ARHGEF18: variants seen among roughly 807,000 people sequenced by gnomAD.
The protein encoded by ARHGEF18 is Rho/Rac guanine nucleotide exchange factor 18.
Under a neutral mutation model 155.7 loss-of-function variants are expected in ARHGEF18, and 93 were observed. That is an observed-to-expected ratio of 0.60 (90% CI 0.50 to 0.71). ARHGEF18 has a LOEUF of 0.71. Ranked by LOEUF, ARHGEF18 falls within the 30% of genes least tolerant of loss-of-function variation. The pLI is 0.00. For missense variants in ARHGEF18, 1,593 were observed against 1,816.1 expected (o/e 0.88, Z 2.23); for synonymous variants, 742 against 753.1 (o/e 0.99, Z 0.24).
At chr19:7,413,704 T>A (rs1367106138) in intron 10 of ARHGEF18, among the ~76,000 whole-genome samples, 3 of 152,110 alleles carry the variant, frequency 2.0e-5, no homozygotes, top group Non-Finnish European at 4.4e-5. Flanking sequence ...GGGGCTGCAG[T>A]GAGCTATGAT....
chr19:7,477,429 G>C (rs1427120073), downstream of ARHGEF18: 12 of 1,446,614 alleles, frequency 8.3e-6, no homozygotes, highest in Non-Finnish European at 1.1e-5. Flanking sequence ...TTGCCCCGGG[G>C]CAGCGGGCTG....
chr19:7,355,655 T>C (rs1600167041), intron 1 of ARHGEF18: 9 of 985,476 alleles, frequency 9.1e-6, no homozygotes, highest in East Asian at 1.1e-4. Context: ...CAACCACTCC[T>C]GGCCGGCCTT....
chr19:7,408,812 C>T (rs1051650267), intron 10 of ARHGEF18, among the ~76,000 whole-genome samples: 1 of 152,098 alleles, frequency 6.6e-6, no homozygotes, highest in Non-Finnish European at 1.5e-5. Context: ...GAGGCTAAGG[C>T]GGGAGGATCA....
chr19:7,448,536 C>T (rs1452736934), intron 15 of ARHGEF18, among the ~76,000 whole-genome samples: 2 of 152,046 alleles, frequency 1.3e-5, no homozygotes, highest in Non-Finnish European at 2.9e-5. Flanking sequence ...TGGTGGGCGC[C>T]TGTAGTCCCA....
Position 7,447,069 on chromosome 19 carries a change from G to A in ARHGEF18, c.1638G>A (p.Met546Ile). ...TTTCAGGTGAAAATGGGGAGAGAAT[G>A]AAAGAAAAGTACGGTGTGTTTTGTA... ...QQFSGENGERMKEKYGVFCSG... is the reference protein window; with the variant it reads ...QQFSGENGERIKEKYGVFCSG... The change falls in exon 15 of 29, where the codon ATG (methionine) becomes ATA (isoleucine). Residue 546 changes from methionine to isoleucine, a missense_variant. By Grantham distance (10) the Met-to-Ile change is conservative. Coordinates refer to ENST00000668164, the MANE Select transcript of ARHGEF18 (RefSeq NM_001367823.1). 1 of 1,613,414 alleles carries A rather than the reference G, an allele frequency of 6.2e-7. No individual in the cohort carries two copies.
At chr19:7,477,625 G>A in the ARHGEF18 span, among the ~76,000 whole-genome samples, 39 of 152,070 alleles carry the variant, frequency 2.6e-4, no homozygotes, top group Non-Finnish European at 4.1e-4. Context: ...ACCCAAGCAC[G>A]AACAGGGCAG....
At chr19:7,439,284 C>CCA (rs1555720504) in intron 10 of ARHGEF18, among the ~76,000 whole-genome samples, 1 of 150,276 alleles carries the variant, frequency 6.7e-6, no homozygotes, top group Admixed American at 6.6e-5. Flanking sequence ...AGTGAGACCC[C>CCA]CCCCCAACCT....
At chr19:7,469,260 T>G in intron 27 of ARHGEF18, 129 bp downstream of exon 27, 1 of 1,207,728 alleles carries the variant, frequency 8.3e-7, no homozygotes, top group East Asian at 2.6e-5. Context: ...AAGGCACAGC[T>G]GGCATCGTGG....
chr19:7,372,997 C>G lies in ARHGEF18; in HGVS notation c.201C>G (p.Ser67Arg), dbSNP rs1212031255. The part of the protein sequence containing the change: ...EEPGRDSLFS[S>R]LAGSQDLSRR... ...CAGGAAGAGATTCTCTTTTCTCCAG[C>G]TTGGCAGGGTCCCAAGACCTGTCAA... Residue 67 changes from serine (S) to arginine (R), a missense_variant, in exon 3 of 29, where the codon AGC becomes AGG. By Grantham distance (110) the Ser-to-Arg change is moderately radical (BLOSUM62 -1). Transcript: ENST00000668164. 8.1e-7 allele frequency: 1 copy of G among 1,234,500 alleles called. No homozygotes were observed. Among genetic ancestry groups the G allele is most frequent in the Non-Finnish European group, 1.0e-6 (1 of 988,234 alleles). 76.5% of individuals were successfully genotyped at this position (1,234,500 alleles called of 1,614,324 possible). A position where few individuals can be genotyped will look rare whatever the true frequency, so the allele number is the denominator to read the frequency against.
chr19:7,478,605 G>A, the ARHGEF18 span, among the ~76,000 whole-genome samples: 6 of 152,036 alleles, frequency 3.9e-5, no homozygotes, highest in Admixed American at 1.3e-4. Flanking sequence ...CACTTCTGAC[G>A]TGGCCATCCA....
chr19:7,406,304 C>G (rs573997369), intron 10 of ARHGEF18, among the ~76,000 whole-genome samples: 1 of 152,070 alleles, frequency 6.6e-6, no homozygotes, highest in Non-Finnish European at 1.5e-5. Flanking sequence ...AGGCTGGTCT[C>G]GAACCCCTGA....
chr19:7,462,344 C>A lies in ARHGEF18; in HGVS notation c.2635+10C>A. On this transcript the variant is annotated intron_variant, in intron 21 of 28. Transcript: ENST00000668164. The surrounding 1 kb of genome is among the most constrained non-coding windows in gnomAD (Gnocchi z 4.4). ...TCGGCCATGAGCGAGAGTAAGTTGG[C>A]TGCCCACACCTCAAGGGTGCAGTCT... is the stretch of plus-strand genomic sequence containing the variant. The A allele has an allele frequency of 6.3e-7, 1 of 1,575,390 alleles. No homozygotes were observed. Among genetic ancestry groups the A allele is most frequent in the South Asian group, 1.2e-5 (1 of 83,462 alleles).
In ARHGEF18 at chr19:7,469,873, G is replaced by C; in HGVS notation, c.3788-31G>C. 2.5e-6 allele frequency: 4 copies of C among 1,608,602 alleles called. No homozygotes were observed. The South Asian group carries it at 4.4e-5, about 18-fold the overall frequency. ...GCGGGTGGGGACAGCTGGCCAGCCT[G>C]GAGCTGGCCCAAATACCTTCTCTCT... On this transcript the variant is annotated intron_variant, in intron 27 of 28. Transcript: ENST00000668164.
chr19:7,463,819 C>A lies in ARHGEF18; in HGVS notation c.2637C>A (p.Ile879=). ...ELILKSAMSE[I]EGIQSLICRQ... Reference sequence around the variant, plus strand: ...CCTCCTGTCCCCTTCCTTCCACAGTCGAGGGCATCCAGAGCCTGATCTGCA... The same window carrying A: ...CCTCCTGTCCCCTTCCTTCCACAGTAGAGGGCATCCAGAGCCTGATCTGCA... Residue 879 remains isoleucine (I), a splice_region_variant and synonymous_variant, in exon 22 of 29, where the codon ATC becomes ATA. Transcript: ENST00000668164. This position sits in a 1 kb window ranked among gnomAD's most constrained non-coding sequence, Gnocchi z 5.2. 6.2e-7 allele frequency: 1 copy of A among 1,606,136 alleles called. No individual in the cohort carries two copies. Among genetic ancestry groups the A allele is most frequent in the South Asian group, 1.1e-5 (1 of 89,692 alleles).
chr19:7,388,276 T>C (rs954108654), intron 10 of ARHGEF18, among the ~76,000 whole-genome samples: 12 of 152,124 alleles, frequency 7.9e-5, no homozygotes, highest in Admixed American at 7.2e-4. Context: ...TTTTTAAAAA[T>C]AGAGACAAGG....
intron 1 of ARHGEF18, among the ~76,000 whole-genome samples, chr19:7,359,313 T>C (rs767690709): frequency 1.3e-5 from 2 of 152,076 alleles, no homozygotes; most frequent in Admixed American, 6.6e-5. Context: ...CAGTGACAAA[T>C]GTGATTGGCA....
chr19:7,456,170 A>G (rs1975812855), intron 17 of ARHGEF18, among the ~76,000 whole-genome samples, 157 bp from the exon 18 acceptor site: 1 of 152,164 alleles, frequency 6.6e-6, no homozygotes, highest in Non-Finnish European at 1.5e-5. Context: ...TGGAAAGGTG[A>G]TGGGGGGTGC....
intron 10 of ARHGEF18, among the ~76,000 whole-genome samples, chr19:7,425,074 C>T (rs1034401699): frequency 6.6e-6 from 1 of 151,830 alleles, no homozygotes; most frequent in Admixed American, 6.6e-5. Context: ...CAGTATTTCC[C>T]GAGAGCCATT....
chr19:7,470,052 G>C lies in ARHGEF18; in HGVS notation c.3913+23G>C. ...CAGGTGAGCCCCCACCCCCTGACAT[G>C]AGCCCAGTCCCAGGGCAGCGGGGCT... On this transcript the variant is annotated intron_variant, in intron 28 of 28. Coordinates refer to ENST00000668164, the MANE Select transcript of ARHGEF18 (RefSeq NM_001367823.1). This position sits in a 1 kb window ranked among gnomAD's most constrained non-coding sequence, Gnocchi z 5.9. The C allele has an allele frequency of 6.2e-7, 1 of 1,612,082 alleles. No homozygotes were observed. The highest frequency in any genetic ancestry group is 8.5e-7 in the Non-Finnish European group (1 of 1,179,522).
Sources: allele counts gnomAD v4.1 joint callset (sites outside exome capture counted in the v4.1 genomes callset), GRCh38; gene constraint gnomAD v4.1.1; non-coding constraint Gnocchi (gnomAD v3.1); transcripts MANE v1.5; gene names NCBI Gene and HGNC (gene_info 2026-07-23, HGNC 2026-07-21).